The following TARBP1 variants were observed in gnomAD, a reference collection of about 807,000 sequenced individuals.
The protein encoded by TARBP1 is tRNA (guanosine(18)-2'-O)-methyltransferase TARBP1.
A neutral mutation model predicts 178.6 loss-of-function variants in TARBP1; 144 were observed. That is an observed-to-expected ratio of 0.81 (90% CI 0.70 to 0.93). The LOEUF (loss-of-function observed/expected upper bound fraction) is 0.93. Among genes scored for constraint, TARBP1 ranks in the 40% least tolerant of loss-of-function variants. TARBP1 has a pLI of 0.00. For missense variants in TARBP1, 2,067 were observed against 2,011.7 expected (o/e 1.03, Z -0.53); for synonymous variants, 787 against 781.0 (o/e 1.01, Z -0.13).
intron 9 of TARBP1, among the ~76,000 whole-genome samples, chr1:234,451,755 A>AC (rs1666785743): frequency 3.6e-5 from 1 of 27,764 alleles, no homozygotes; most frequent in Non-Finnish European, 5.4e-5. Flanking sequence ...TCTCAAAAAA[A>AC]AAAAAAAAAA....
chr1:234,437,572 A>G (rs1430249214), intron 12 of TARBP1, among the ~76,000 whole-genome samples, 200 bp from the exon 13 acceptor site: 1 of 152,218 alleles, frequency 6.6e-6, no homozygotes. Flanking sequence ...AGTTGTGGGT[A>G]GGATGGATCA....
chr1:234,409,902 C>A (rs900751810), intron 23 of TARBP1, among the ~76,000 whole-genome samples: 2 of 152,154 alleles, frequency 1.3e-5, no homozygotes, highest in Non-Finnish European at 1.5e-5. Context: ...TAGTGATTAA[C>A]CAAAATTAGT....
intron 7 of TARBP1, 70 bp downstream of exon 7, chr1:234,460,191 G>A: frequency 6.8e-7 from 1 of 1,480,988 alleles, no homozygotes; most frequent in African/African-American, 1.4e-5. Flanking sequence ...TTAAAGCAGA[G>A]GAGAAAATAT....
chr1:234,437,350 C>G lies in TARBP1; in HGVS notation c.2157G>C (p.Gln719His), dbSNP rs776909064. The G allele has an allele frequency of 1.3e-6, 2 of 1,588,386 alleles. No individual in the cohort carries two copies. Among genetic ancestry groups the G allele is most frequent in the African/African-American group, 2.7e-5 (2 of 74,156 alleles). Residue 719 changes from glutamine to histidine, a missense_variant, in exon 13 of 30, where the codon CAG (glutamine) becomes CAC (histidine). Gln to His is a conservative substitution (Grantham distance 24). Coordinates refer to ENST00000040877, the MANE Select transcript of TARBP1 (RefSeq NM_005646.4). Reference sequence around the variant, plus strand: ...TCTCTGTAGTAGACATGAAAAAGTTCTGAAGAACAGTAGACACCTCATCTG... The same window carrying G: ...TCTCTGTAGTAGACATGAAAAAGTTGTGAAGAACAGTAGACACCTCATCTG... ...AQDDEVSTVL[Q>H]NFFMSTTESI...
intron 28 of TARBP1, chr1:234,392,797 G>T (rs986122083): frequency 4.4e-6 from 1 of 226,164 alleles, no homozygotes; most frequent in Non-Finnish European, 8.5e-6. Context: ...TGCAAGCTCC[G>T]CCTCCCGGGT....
At chr1:234,438,489 G>T (rs1255044361) in intron 12 of TARBP1, among the ~76,000 whole-genome samples, 1 of 152,158 alleles carries the variant, frequency 6.6e-6, no homozygotes, top group Non-Finnish European at 1.5e-5. Flanking sequence ...TAATTGAAAA[G>T]TACAATAACT....
chr1:234,450,551 G>T lies in TARBP1; in HGVS notation c.1738C>A (p.Arg580Ser). The change falls in exon 10 of 30, where the codon CGT (arginine) becomes AGT (serine). Residue 580 changes from arginine (R) to serine (S), a missense_variant. Transcript: ENST00000040877. ...GGCTTAAAATAGCTTTCATTAACAC[G>T]TAGCCAGTCACACAGCTGGAAAAGA... is the stretch of plus-strand genomic sequence containing the variant. Reference protein sequence around the residue: ...SLWTELCDWLRVNESYFKPSP... With the variant: ...SLWTELCDWLSVNESYFKPSP... The T allele has an allele frequency of 6.2e-7, 1 of 1,607,576 alleles. No homozygotes were observed. The highest frequency in any genetic ancestry group is 2.2e-5 in the East Asian group (1 of 44,540).
At chr1:234,463,646 C>T (rs1040131456) in intron 6 of TARBP1, among the ~76,000 whole-genome samples, 191 bp downstream of exon 6, 5 of 152,118 alleles carry the variant, frequency 3.3e-5, no homozygotes, top group Admixed American at 6.5e-5. Flanking sequence ...GGTAGTATGT[C>T]ATACACAATG....
chr1:234,460,242 C>A lies in TARBP1; in HGVS notation c.1535+19G>T. 1 of 1,610,272 alleles carries A rather than the reference C, an allele frequency of 6.2e-7. No individual in the cohort carries two copies. Among genetic ancestry groups the A allele is most frequent in the Non-Finnish European group, 8.5e-7 (1 of 1,179,016 alleles). On this transcript the variant is annotated intron_variant, in intron 7 of 29. Transcript: ENST00000040877. ...GTCATGGCAAATAACCATACAAGTA[C>A]ATATACAGAGTAAATTACCTGAGAG...
chr1:234,462,687 C>CAAAAAAAAAAAAAAAAAAAA, intron 6 of TARBP1, among the ~76,000 whole-genome samples: 1 of 102,800 alleles, frequency 9.7e-6, no homozygotes, highest in Non-Finnish European at 1.9e-5. Flanking sequence ...GACTTCATCT[C>CAAAAAAAAAAAAAAAAAAAA]AAAAAAAAAA....
intron 24 of TARBP1, chr1:234,405,610 T>C: frequency 9.4e-6 from 3 of 319,312 alleles, no homozygotes; most frequent in Non-Finnish European, 1.7e-5. Context: ...CAACAAAGGA[T>C]GACATTTAGC....
chr1:234,408,389 A>C (rs1002708547), intron 23 of TARBP1, among the ~76,000 whole-genome samples: 5 of 152,302 alleles, frequency 3.3e-5, no homozygotes, highest in African/African-American at 1.2e-4. Flanking sequence ...AGTTTAGTTT[A>C]TAGTTTAAAA....
intron 12 of TARBP1, among the ~76,000 whole-genome samples, chr1:234,438,587 G>T (rs1417899904): frequency 6.6e-6 from 1 of 152,142 alleles, no homozygotes; most frequent in Non-Finnish European, 1.5e-5. Context: ...TATGACATCT[G>T]AACAACGGAG....
chr1:234,430,745 A>C (rs1016558636), intron 14 of TARBP1, among the ~76,000 whole-genome samples: 14 of 152,188 alleles, frequency 9.2e-5, no homozygotes, highest in Admixed American at 8.5e-4. Context: ...GCTCCAGGTT[A>C]CAAATAATTC....
chr1:234,466,865 A>G (rs12128095), intron 4 of TARBP1, among the ~76,000 whole-genome samples: 6,257 of 150,744 alleles, frequency 0.042, 181 homozygotes, highest in African/African-American at 0.082. Flanking sequence ...CACCATCTCG[A>G]AAAAAAAACA....
At chr1:234,464,049 C>T in intron 5 of TARBP1, 115 bp from the exon 6 acceptor site, 1 of 508,106 alleles carries the variant, frequency 2.0e-6, no homozygotes, top group Non-Finnish European at 3.3e-6. Flanking sequence ...AACAATCAGA[C>T]AGTTTTATTT....
chr1:234,450,440 A>C lies in TARBP1; in HGVS notation c.1849T>G (p.Ser617Ala), dbSNP rs745680413. The change falls in exon 10 of 30, where the codon TCT becomes GCT. Residue 617 changes from serine to alanine, a missense_variant. Physicochemically the swap from Ser to Ala is moderately conservative, Grantham distance 99 (BLOSUM62 1). Transcript: ENST00000040877. ...KSIVQEYVKS[S>A]AWETGENCFM... ...ATTGCAGACTTACTTTCCCAAGCAGATGACTTAACATACTCTTGAACAATG... is the reference window on the plus strand; with the variant it reads ...ATTGCAGACTTACTTTCCCAAGCAGCTGACTTAACATACTCTTGAACAATG... 6.3e-7 allele frequency: 1 copy of C among 1,582,006 alleles called. No individual in the cohort carries two copies. The highest frequency in any genetic ancestry group is 8.6e-7 in the Non-Finnish European group (1 of 1,169,468).
chr1:234,406,447 A>C, intron 23 of TARBP1: 1 of 199,610 alleles, frequency 5.0e-6, no homozygotes, highest in Non-Finnish European at 1.0e-5. Flanking sequence ...TCCATCTCCT[A>C]TTATCTTAAT....
Position 234,472,640 on chromosome 1 carries a change from G to A in TARBP1, c.1029+74C>T, listed in dbSNP as rs150046967. 1.3e-4 allele frequency: 123 copies of A among 972,876 alleles called. 4 individuals carry two copies. Among genetic ancestry groups the A allele is most frequent in the African/African-American group, 8.5e-5 (5 of 58,728 alleles). The allele number at this position is 972,876 out of a possible 1,614,324, so 60.3% of individuals were successfully genotyped here. ...ATATCTGAGTTAGTCTCTTTGTATC[G>A]CTTTTAATGAATGTTTTTAAAAAAG... On this transcript the variant is annotated intron_variant, in intron 2 of 29. Transcript: ENST00000040877.
Sources: allele counts gnomAD v4.1 joint callset (sites outside exome capture counted in the v4.1 genomes callset), GRCh38; gene constraint gnomAD v4.1.1; transcripts MANE v1.5; gene names NCBI Gene and HGNC (gene_info 2026-07-23, HGNC 2026-07-21).